The following SYNE2 variants were observed in gnomAD, a reference collection of about 807,000 sequenced individuals.
SYNE2 encodes the protein nesprin-2.
A neutral mutation model predicts 856.3 loss-of-function variants in SYNE2; 431 were observed. The observed-to-expected ratio is 0.50, with a 90% confidence interval of 0.47 to 0.55. SYNE2 has a LOEUF of 0.55. SYNE2 is among the 20% of genes least tolerant of loss of function. SYNE2 has a pLI of 0.00. For synonymous variants in SYNE2, 2,923 were observed against 2,872.3 expected, an observed-to-expected ratio of 1.02 and a Z score of -0.56; for missense variants, 8,129 against 8,023.2, an observed-to-expected ratio of 1.01 and a Z score of -0.50.
chr14:63,869,636 CAAAAAAA>C (rs35258750), intron 1 of SYNE2, among the ~76,000 whole-genome samples: 1 of 77,430 alleles, frequency 1.3e-5, no homozygotes, highest in African/African-American at 5.2e-5. Flanking sequence ...AACTTTGTCT[CAAAAAAA>C]AAAAAAAAAA....
At chr14:64,087,276 T>C (rs1367802274) in intron 57 of SYNE2, 1 of 321,192 alleles carries the variant, frequency 3.1e-6, no homozygotes, top group Non-Finnish European at 6.2e-6. Context: ...TTTTATGGAA[T>C]TACCTGAAGA....
chr14:64,056,619 C>A (rs1483991599), intron 49 of SYNE2, among the ~76,000 whole-genome samples: 1 of 151,812 alleles, frequency 6.6e-6, no homozygotes, highest in Non-Finnish European at 1.5e-5. Flanking sequence ...TCTCTCTTCT[C>A]AGAAATAACC....
Position 64,049,703 on chromosome 14 carries a change from T to A in SYNE2, c.7470T>A (p.Val2490=). Residue 2490 remains valine, a synonymous_variant, in exon 47 of 116, where the codon GTT becomes GTA. Coordinates refer to ENST00000555002, the MANE Select transcript of SYNE2 (RefSeq NM_182914.3). ...CLNKTETGAL[V]LHNIGYSAQH... ...ACAAAACAGAAACTGGGGCCTTGGT[T>A]CTCCACAATATAGGATATTCGGCAC... is the stretch of plus-strand genomic sequence containing the variant. The A allele has an allele frequency of 1.2e-6, 2 of 1,614,128 alleles. No individual in the cohort carries two copies.
At chr14:63,804,821 T>C (rs1888298216) in intron 1 of SYNE2, among the ~76,000 whole-genome samples, 1 of 152,162 alleles carries the variant, frequency 6.6e-6, no homozygotes, top group South Asian at 2.1e-4. Flanking sequence ...AGGGTTTTTA[T>C]AGTTTCATTA....
chr14:64,007,538 T>C (rs767999147), intron 31 of SYNE2, among the ~76,000 whole-genome samples: 13 of 152,194 alleles, frequency 8.5e-5, no homozygotes, highest in African/African-American at 2.9e-4. Flanking sequence ...ACTTAGTGGC[T>C]TAAAAAGAAC....
intron 32 of SYNE2, among the ~76,000 whole-genome samples, chr14:64,016,129 G>T (rs2096890098): frequency 6.6e-6 from 1 of 151,750 alleles, no homozygotes; most frequent in South Asian, 2.1e-4. Context: ...CAGATGTAGG[G>T]ACTTTTTTTT....
chr14:63,880,949 C>T (rs2094848481), intron 1 of SYNE2, among the ~76,000 whole-genome samples: 1 of 151,770 alleles, frequency 6.6e-6, no homozygotes, highest in Non-Finnish European at 1.5e-5. Flanking sequence ...CGAGTTCAAG[C>T]AATTTGTTGT....
At chr14:63,805,061 C>G (rs988063544) in intron 1 of SYNE2, among the ~76,000 whole-genome samples, 2 of 152,112 alleles carry the variant, frequency 1.3e-5, no homozygotes, top group Non-Finnish European at 2.9e-5. Flanking sequence ...AGGTGTGCAA[C>G]TTTATTTCTG....
intron 45 of SYNE2, among the ~76,000 whole-genome samples, chr14:64,046,822 C>T (rs10132638): frequency 0.74 from 112,138 of 152,140 alleles, 43,737 homozygotes; most frequent in Non-Finnish European, 0.87. Flanking sequence ...CAGGAGCAAG[C>T]GCTGTGTGGG....
At chr14:63,931,922 T>C (rs1308026747) in intron 2 of SYNE2, among the ~76,000 whole-genome samples, 1 of 152,238 alleles carries the variant, frequency 6.6e-6, no homozygotes, top group African/African-American at 2.4e-5. Context: ...CATGCCTGGC[T>C]CTAAGATTAG....
At chr14:63,897,252 C>CTAAATAAA (rs545917971) in intron 1 of SYNE2, among the ~76,000 whole-genome samples, 1 of 151,802 alleles carries the variant, frequency 6.6e-6, no homozygotes, top group Non-Finnish European at 1.5e-5. Flanking sequence ...GACCCTATCT[C>CTAAATAAA]TAAATAAATA....
At chr14:63,775,980 A>C (rs1221263185) in intron 1 of SYNE2, among the ~76,000 whole-genome samples, 2 of 152,348 alleles carry the variant, frequency 1.3e-5, no homozygotes, top group East Asian at 3.9e-4. Context: ...AGGGAGAGGC[A>C]ACACACTGAC....
At chr14:64,100,521 A>C (rs2097713780) in intron 63 of SYNE2, among the ~76,000 whole-genome samples, 1 of 66,660 alleles carries the variant, frequency 1.5e-5, no homozygotes, top group South Asian at 5.5e-4. Flanking sequence ...TCTCAAAAAA[A>C]AAAAAAAAAA....
intron 99 of SYNE2, chr14:64,202,142 A>C (rs2098573146): frequency 2.9e-6 from 2 of 701,136 alleles, no homozygotes; most frequent in African/African-American, 3.5e-5. Flanking sequence ...GATCACATTT[A>C]GAACTGCGCT....
At chr14:63,919,810 A>G (rs1009132550) in intron 2 of SYNE2, among the ~76,000 whole-genome samples, 1 of 152,110 alleles carries the variant, frequency 6.6e-6, no homozygotes, top group African/African-American at 2.4e-5. Flanking sequence ...ATTTGTTGTG[A>G]TGGCTCTGAC....
intron 1 of SYNE2, among the ~76,000 whole-genome samples, chr14:63,799,852 T>C (rs1888063604): frequency 6.6e-6 from 1 of 152,240 alleles, no homozygotes; most frequent in Admixed American, 6.5e-5. Context: ...TAAATTCTTT[T>C]AGCCCTGGGA....
chr14:63,885,323 T>C (rs752367660), intron 1 of SYNE2, among the ~76,000 whole-genome samples: 1 of 92,876 alleles, frequency 1.1e-5, no homozygotes, highest in Non-Finnish European at 2.4e-5. Flanking sequence ...ATCTGGGCCT[T>C]TCTCACTGTC....
At chr14:64,109,187 G>A (rs1301448799) in intron 65 of SYNE2, among the ~76,000 whole-genome samples, 1 of 151,596 alleles carries the variant, frequency 6.6e-6, no homozygotes, top group Non-Finnish European at 1.5e-5. Context: ...TTTAGCTACA[G>A]TAGCCATTCT....
intron 2 of SYNE2, among the ~76,000 whole-genome samples, chr14:63,922,509 G>T (rs568594089): frequency 6.6e-6 from 1 of 152,144 alleles, no homozygotes; most frequent in African/African-American, 2.4e-5. Context: ...TCTTAAGATA[G>T]CCATGTGTTA....
Sources: allele counts gnomAD v4.1 joint callset (sites outside exome capture counted in the v4.1 genomes callset), GRCh38; gene constraint gnomAD v4.1.1; transcripts MANE v1.5; gene names NCBI Gene and HGNC (gene_info 2026-07-23, HGNC 2026-07-21).